The following HACL1 variants were observed in gnomAD, a reference collection of about 807,000 sequenced individuals.
HACL1 encodes the protein 2-hydroxyacyl-CoA lyase 1, also known as 1600020H07Rik.
HACL1 carries 64 observed loss-of-function variants against 74.2 expected under a neutral mutation model. That is an observed-to-expected ratio of 0.86 (90% CI 0.70 to 1.06). HACL1 has a LOEUF of 1.06. HACL1 is among the 50% of genes least tolerant of loss of function. The pLI is 0.00. For synonymous variants in HACL1, 230 were observed against 238.8 expected, an observed-to-expected ratio of 0.96 and a Z score of 0.34; for missense variants, 728 against 719.7, an observed-to-expected ratio of 1.01 and a Z score of -0.13.
At chr3:15,593,175 G>A (rs1413766232) in intron 3 of HACL1, among the ~76,000 whole-genome samples, 1 of 149,058 alleles carries the variant, frequency 6.7e-6, no homozygotes, top group Non-Finnish European at 1.5e-5. Context: ...ATATATGTGT[G>A]TATATATACA....
intron 14 of HACL1, among the ~76,000 whole-genome samples, chr3:15,567,447 T>G (rs1301694899): frequency 6.6e-6 from 1 of 151,850 alleles, no homozygotes; most frequent in Non-Finnish European, 1.5e-5. Flanking sequence ...CTTGAACTCC[T>G]GACCTAAAGT....
chr3:15,566,835 T>C (rs113155139), intron 14 of HACL1, among the ~76,000 whole-genome samples: 1 of 147,312 alleles, frequency 6.8e-6, no homozygotes, highest in Non-Finnish European at 1.5e-5. Flanking sequence ...TTTTTTTTTT[T>C]TGCGATGGAG....
chr3:15,601,305 T>G, intron 1 of HACL1, 78 bp downstream of exon 1: 2 of 1,597,824 alleles, frequency 1.3e-6, no homozygotes, highest in Non-Finnish European at 1.7e-6. Flanking sequence ...ATCGCCCATT[T>G]CTACTCGTCT....
chr3:15,591,714 CA>C, intron 3 of HACL1, 34 bp from the exon 4 acceptor site: 1 of 1,369,678 alleles, frequency 7.3e-7, no homozygotes, highest in Non-Finnish European at 1.0e-6. Context: ...AAAATCAGGT[CA>C]AATGTAACAA....
intron 9 of HACL1, among the ~76,000 whole-genome samples, chr3:15,577,895 G>C (rs1326236349): frequency 6.6e-6 from 1 of 151,852 alleles, no homozygotes; most frequent in East Asian, 1.9e-4. Context: ...TCAGGAGATG[G>C]AGACCATCCT....
chr3:15,583,096 T>C (rs2063739984), intron 7 of HACL1, 107 bp from the exon 8 acceptor site: 1 of 606,634 alleles, frequency 1.6e-6, no homozygotes, highest in Non-Finnish European at 3.0e-6. Flanking sequence ...TAAATCTCCA[T>C]ACACCCCCAT....
chr3:15,575,585 C>T (rs1218895099), intron 9 of HACL1, among the ~76,000 whole-genome samples: 5 of 151,966 alleles, frequency 3.3e-5, no homozygotes, highest in African/African-American at 7.3e-5. Context: ...CTCTTTTGCC[C>T]GGGCTGGAAT....
chr3:15,589,593 C>T lies in HACL1; in HGVS notation c.328G>A (p.Gly110Ser), dbSNP rs757672432. Residue 110 changes from glycine (G) to serine (S), a missense_variant, in exon 5 of 17, where the codon GGT becomes AGT. By Grantham distance (56) the Gly-to-Ser change is moderately conservative (BLOSUM62 0). Coordinates refer to ENST00000321169, the MANE Select transcript of HACL1 (RefSeq NM_012260.4). Reference sequence around the variant, plus strand: ...GTTTCTTGGTTTCTTTCAGAGGAACCACCAATCACAAGCAAGGGCCTGAAA... The same window carrying T: ...GTTTCTTGGTTTCTTTCAGAGGAACTACCAATCACAAGCAAGGGCCTGAAA... ...MNCWPLLVIG[G>S]SSERNQETMG... The T allele has an allele frequency of 5.0e-6, 8 of 1,608,302 alleles. No homozygotes were observed. Among genetic ancestry groups the T allele is most frequent in the Non-Finnish European group, 6.0e-6 (7 of 1,174,858 alleles).
At position 15,599,396 on chromosome 3, in the gene HACL1, A is replaced by G. The variant is rs569470224; in HGVS notation, c.186+1694T>C. On this transcript the variant is annotated intron_variant, in intron 2 of 16. Coordinates refer to ENST00000321169, the MANE Select transcript of HACL1 (RefSeq NM_012260.4). Reference sequence around the variant, plus strand: ...ATCCTCCTGCCTCAGCCCCCTTCGTAGCTGGGATTACTGGCATGTACAACC... The same window carrying G: ...ATCCTCCTGCCTCAGCCCCCTTCGTGGCTGGGATTACTGGCATGTACAACC... Among the ~76,000 whole-genome samples the G allele has an allele frequency of 2.0e-4, 30 of 152,250 alleles. No individual in the cohort carries two copies. The South Asian group carries it at 6.0e-3, about 30-fold the overall frequency.
At chr3:15,575,804 T>C (rs1044120778) in intron 9 of HACL1, among the ~76,000 whole-genome samples, 2 of 151,962 alleles carry the variant, frequency 1.3e-5, no homozygotes, top group Admixed American at 1.3e-4. Flanking sequence ...GCCTCCCAAA[T>C]TGTTTGGATT....
At chr3:15,562,116 G>A (rs2063355053) in intron 16 of HACL1, among the ~76,000 whole-genome samples, 1 of 152,120 alleles carries the variant, frequency 6.6e-6, no homozygotes, top group African/African-American at 2.4e-5. Context: ...AATCCATAAA[G>A]TGGCATGAGA....
At chr3:15,574,550 G>A (rs74428590) in intron 10 of HACL1, among the ~76,000 whole-genome samples, 1,625 of 152,310 alleles carry the variant, frequency 0.011, 29 homozygotes, top group African/African-American at 0.037. Context: ...GCTGTTTAAT[G>A]ACTTGTAAAA....
Position 15,601,558 on chromosome 3 carries a change from T to C in HACL1, c.-95A>G, listed in dbSNP as rs1010036010. The C allele has an allele frequency of 6.2e-6, 10 of 1,603,050 alleles. No homozygotes were observed. Among genetic ancestry groups the C allele is most frequent in the South Asian group, 1.1e-5 (1 of 90,780 alleles). ...GAAATCGGCAGCACGCCACCTCTGG[T>C]ACTGCACCTCTGACGGACAGGAGGG... On this transcript the variant is annotated 5_prime_UTR_variant, in exon 1 of 17. Coordinates refer to ENST00000321169, the MANE Select transcript of HACL1 (RefSeq NM_012260.4).
intron 7 of HACL1, 113 bp from the exon 8 acceptor site, chr3:15,583,102 C>T (rs1328145408): frequency 1.2e-5 from 7 of 578,776 alleles, no homozygotes; most frequent in Non-Finnish European, 2.2e-5. Context: ...TCCATACACC[C>T]CCATGTAGAT....
intron 9 of HACL1, among the ~76,000 whole-genome samples, chr3:15,577,863 C>T (rs1433602760): frequency 6.6e-6 from 1 of 151,888 alleles, no homozygotes; most frequent in African/African-American, 2.4e-5. Context: ...CTTTGGGAGG[C>T]TGAGGCGGGC....
At chr3:15,595,604 C>CTTTTTTTTTTT (rs764183329) in intron 3 of HACL1, among the ~76,000 whole-genome samples, 8 of 97,318 alleles carry the variant, frequency 8.2e-5, no homozygotes, top group Non-Finnish European at 1.4e-4. Flanking sequence ...ATCTTTTTTC[C>CTTTTTTTTTTT]TTTTTTTTTT....
At chr3:15,568,389 C>G (rs566971734) in intron 13 of HACL1, 43 bp downstream of exon 13, 5 of 1,232,840 alleles carry the variant, frequency 4.1e-6, no homozygotes, top group Non-Finnish European at 5.8e-6. Context: ...ATATTAAACA[C>G]ATTATAATGA....
chr3:15,578,097 CAA>C (rs397876768), intron 9 of HACL1, among the ~76,000 whole-genome samples: 3,452 of 60,218 alleles, frequency 0.057, 81 homozygotes, highest in African/African-American at 0.16. Context: ...GACTCCGTCT[CAA>C]AAAAAAAAAA....
At chr3:15,567,335 G>A (rs1340327252) in intron 14 of HACL1, among the ~76,000 whole-genome samples, 4 of 148,274 alleles carry the variant, frequency 2.7e-5, no homozygotes, top group African/African-American at 7.5e-5. Flanking sequence ...TCAGCCTCCC[G>A]AGTAGCTGGG....
Sources: gnomAD v4.1 joint callset for allele counts (sites outside exome capture counted in the v4.1 genomes callset) on GRCh38, gnomAD v4.1.1 for gene constraint, MANE v1.5 for transcripts, NCBI Gene and HGNC (gene_info 2026-07-23, HGNC 2026-07-21) for gene names.